The following DNM3 variants were observed in gnomAD, a reference collection of about 807,000 sequenced individuals.
The protein encoded by DNM3 is dynamin-3.
DNM3 carries 47 observed loss-of-function variants against 101.6 expected under a neutral mutation model. That is an observed-to-expected ratio of 0.46 (90% confidence interval 0.37 to 0.59). The LOEUF (loss-of-function observed/expected upper bound fraction) is 0.59. Among genes scored for constraint, DNM3 ranks in the 20% least tolerant of loss-of-function variants. The pLI is 0.00. For synonymous variants in DNM3, 385 were observed against 387.9 expected, an observed-to-expected ratio of 0.99 and a Z score of 0.09; for missense variants, 849 against 1,085.7, an observed-to-expected ratio of 0.78 and a Z score of 3.06.
intron 1 of DNM3, among the ~76,000 whole-genome samples, chr1:171,904,656 G>A (rs2038660857): frequency 6.6e-6 from 1 of 152,130 alleles, no homozygotes; most frequent in South Asian, 2.1e-4. Flanking sequence ...AGTCAAAGAT[G>A]GCCTGTTTTT....
At chr1:172,021,847 T>G (rs554613397) in intron 4 of DNM3, among the ~76,000 whole-genome samples, 1 of 152,346 alleles carries the variant, frequency 6.6e-6, no homozygotes, top group South Asian at 2.1e-4. Context: ...AATTTATTAT[T>G]TTTAATTTCC....
chr1:172,075,755 C>T (rs2125967175), intron 11 of DNM3, among the ~76,000 whole-genome samples: 1 of 152,292 alleles, frequency 6.6e-6, no homozygotes, highest in South Asian at 2.1e-4. Flanking sequence ...CATGATGCCT[C>T]CAGCTTTGTA....
At chr1:171,842,181 C>T (rs548688316) in intron 1 of DNM3, among the ~76,000 whole-genome samples, 1 of 152,240 alleles carries the variant, frequency 6.6e-6, no homozygotes, top group Admixed American at 6.5e-5. Flanking sequence ...CTGCGTAGCG[C>T]GCCGAAAGCT....
At position 172,256,617 on chromosome 1, in the gene DNM3, G is replaced by A. The variant is rs553404759; in HGVS notation, c.1769+2935G>A. ...TGCTAGAGTTTTGTGTCTTTTCAGA[G>A]AACCAGTTTGTGGCACTTTTGAACA... On this transcript the variant is annotated intron_variant, in intron 15 of 20. Coordinates refer to ENST00000627582, the MANE Select transcript of DNM3 (RefSeq NM_015569.5). Among the ~76,000 whole-genome samples the A allele has an allele frequency of 2.0e-5, 3 of 151,868 alleles. No individual in the cohort carries two copies. In the South Asian group the frequency reaches 6.2e-4, roughly 32 times the overall value.
chr1:172,029,617 T>C (rs1272723168), intron 4 of DNM3, among the ~76,000 whole-genome samples: 1 of 152,216 alleles, frequency 6.6e-6, no homozygotes, highest in Non-Finnish European at 1.5e-5. Flanking sequence ...AGTGAAATTA[T>C]CCCTGTTTGC....
intron 14 of DNM3, among the ~76,000 whole-genome samples, chr1:172,213,721 G>A (rs976730474): frequency 4.6e-5 from 7 of 151,462 alleles, no homozygotes; most frequent in Admixed American, 1.3e-4. Flanking sequence ...CCCAGCTATC[G>A]GGAGGCTGAG....
chr1:172,181,485 A>G (rs2059344584), intron 14 of DNM3, among the ~76,000 whole-genome samples: 1 of 151,954 alleles, frequency 6.6e-6, no homozygotes, highest in South Asian at 2.1e-4. Flanking sequence ...GAAAGATTAC[A>G]CTACCTTCTT....
chr1:171,897,073 A>G (rs2037880099), intron 1 of DNM3, among the ~76,000 whole-genome samples: 2 of 151,982 alleles, frequency 1.3e-5, no homozygotes, highest in Non-Finnish European at 2.9e-5. Flanking sequence ...ACACATATAT[A>G]TATATATTTT....
intron 14 of DNM3, chr1:172,137,596 G>C (rs2057310736): frequency 6.6e-6 from 1 of 152,048 alleles, no homozygotes; most frequent in Non-Finnish European, 1.5e-5. Flanking sequence ...ATAGCTGAAT[G>C]AAAAATAGTT....
chr1:172,030,933 A>G (rs1265126931), intron 4 of DNM3, among the ~76,000 whole-genome samples: 1 of 152,216 alleles, frequency 6.6e-6, no homozygotes, highest in Admixed American at 6.5e-5. Flanking sequence ...GAGAAATAGG[A>G]ATGCTTTGAC....
intron 14 of DNM3, among the ~76,000 whole-genome samples, chr1:172,190,864 T>A (rs1292360420): frequency 1.3e-5 from 2 of 152,190 alleles, no homozygotes; most frequent in Non-Finnish European, 2.9e-5. Flanking sequence ...GATGGGATTG[T>A]TTGATTTTTT....
At chr1:172,067,546 C>A (rs1420712072) in intron 10 of DNM3, among the ~76,000 whole-genome samples, 15 of 152,120 alleles carry the variant, frequency 9.9e-5, no homozygotes, top group Admixed American at 9.8e-4. Context: ...TAATTGCCCC[C>A]ACTTCCACCA....
chr1:172,041,997 T>C lies in DNM3; in HGVS notation c.993-12T>C. 6.4e-7 allele frequency: 1 copy of C among 1,569,184 alleles called. No homozygotes were observed. The highest frequency in any genetic ancestry group is 8.6e-7 in the Non-Finnish European group (1 of 1,163,812). On this transcript the variant is annotated splice_polypyrimidine_tract_variant and intron_variant, in intron 7 of 20. Coordinates refer to ENST00000627582, the MANE Select transcript of DNM3 (RefSeq NM_015569.5). ...ACTTTGACTTGAATCTATTTCTCTT[T>C]AACAATTACAGGATGGTTCAGCAAT...
At chr1:172,108,536 G>C (rs541146940) in intron 13 of DNM3, among the ~76,000 whole-genome samples, 10 of 152,314 alleles carry the variant, frequency 6.6e-5, no homozygotes, top group Admixed American at 4.6e-4. Context: ...CAGAAAATAA[G>C]TAAAATTTAA....
chr1:172,227,106 GTCCTTGCATACTCA>G (rs2061153710), intron 14 of DNM3, among the ~76,000 whole-genome samples: 1 of 151,358 alleles, frequency 6.6e-6, no homozygotes, highest in African/African-American at 2.4e-5. Flanking sequence ...CACTTTGTAT[GTCCTTGCATACTCA>G]TAACTTAGCT....
intron 15 of DNM3, among the ~76,000 whole-genome samples, chr1:172,302,312 AG>A (rs1258635253): frequency 6.6e-6 from 1 of 152,130 alleles, no homozygotes; most frequent in Non-Finnish European, 1.5e-5. Flanking sequence ...GCAGCCTAGC[AG>A]GGGGAGGGGT....
chr1:172,339,890 T>C (rs568151443), intron 17 of DNM3, among the ~76,000 whole-genome samples: 1 of 152,320 alleles, frequency 6.6e-6, no homozygotes, highest in Admixed American at 6.5e-5. Flanking sequence ...AAAGGTGTGC[T>C]CAGGGTTCAC....
At chr1:172,287,682 G>C (rs2063750521) in intron 15 of DNM3, among the ~76,000 whole-genome samples, 1 of 151,886 alleles carries the variant, frequency 6.6e-6, no homozygotes, top group South Asian at 2.1e-4. Context: ...ATGGTACTTT[G>C]AGACAACAGG....
intron 14 of DNM3, among the ~76,000 whole-genome samples, chr1:172,169,789 T>C (rs139538009): frequency 0.016 from 2,455 of 151,988 alleles, 73 homozygotes; most frequent in African/African-American, 0.056. Context: ...GGCTAAGCTG[T>C]TATTTGATGT....
Sources: gnomAD v4.1 joint callset for allele counts (sites outside exome capture counted in the v4.1 genomes callset) on GRCh38, gnomAD v4.1.1 for gene constraint, MANE v1.5 for transcripts, NCBI Gene and HGNC (gene_info 2026-07-23, HGNC 2026-07-21) for gene names.